DBH: variants seen among roughly 807,000 people sequenced by gnomAD.
DBH encodes the protein dopamine beta-hydroxylase (dopamine beta-monooxygenase).
DBH carries 49 observed loss-of-function variants against 64.0 expected under a neutral mutation model. That is an observed-to-expected ratio of 0.77 (90% CI 0.61 to 0.97). DBH has a LOEUF of 0.97. Among genes scored for constraint, DBH ranks in the 50% least tolerant of loss-of-function variants. The pLI is 0.00. For synonymous variants in DBH, 343 were observed against 347.1 expected, an observed-to-expected ratio of 0.99 and a Z score of 0.13; for missense variants, 828 against 826.6, an observed-to-expected ratio of 1.00 and a Z score of -0.02.
chr9:133,646,324 C>T (rs1312339647), intron 5 of DBH, among the ~76,000 whole-genome samples: 3 of 32,540 alleles, frequency 9.2e-5, no homozygotes, highest in Non-Finnish European at 2.4e-4. Flanking sequence ...CAGACCACCC[C>T]GCCATGTCCG....
At chr9:133,640,053 G>C in intron 2 of DBH, 61 bp downstream of exon 2, 2 of 1,598,172 alleles carry the variant, frequency 1.3e-6, no homozygotes, top group Non-Finnish European at 1.7e-6. Flanking sequence ...CTGCCATCCT[G>C]TGCCAATGTC....
At chr9:133,645,746 C>T (rs1832174262) in intron 5 of DBH, among the ~76,000 whole-genome samples, 1 of 152,128 alleles carries the variant, frequency 6.6e-6, no homozygotes, top group Admixed American at 6.5e-5. Flanking sequence ...CCTGGAAGTG[C>T]CCTGCACCCC....
At chr9:133,656,678 C>T (rs779558442) in intron 10 of DBH, 28 bp downstream of exon 10, 1 of 1,609,044 alleles carries the variant, frequency 6.2e-7, no homozygotes, top group East Asian at 2.2e-5. Context: ...AAGCTCCCTG[C>T]CCCCAGGGAA....
intron 2 of DBH, 30 bp downstream of exon 2, chr9:133,640,022 G>A (rs1410792788): frequency 6.2e-7 from 1 of 1,612,814 alleles, no homozygotes; most frequent in Non-Finnish European, 8.5e-7. Context: ...ACCCAGGAGG[G>A]CGTGGGCTGC....
intron 6 of DBH, among the ~76,000 whole-genome samples, chr9:133,650,525 CTTCT>C (rs758030746): frequency 8.1e-5 from 9 of 111,554 alleles, no homozygotes; most frequent in African/African-American, 1.0e-4. Flanking sequence ...TCCTTCCTTC[CTTCT>C]CTTTTCTTTC....
chr9:133,656,469 T>C, intron 9 of DBH, 54 bp from the exon 10 acceptor site: 1 of 1,612,190 alleles, frequency 6.2e-7, no homozygotes, highest in Admixed American at 1.7e-5. Flanking sequence ...AGCTGCTGGA[T>C]GGCAGCGTCT....
At chr9:133,638,815 C>G (rs545199230) in intron 1 of DBH, among the ~76,000 whole-genome samples, 2 of 152,062 alleles carry the variant, frequency 1.3e-5, no homozygotes, top group Non-Finnish European at 1.5e-5. Context: ...TTCTTGAGTA[C>G]GAAGGGCAGC....
intron 5 of DBH, among the ~76,000 whole-genome samples, chr9:133,644,943 A>G (rs548356008): frequency 1.3e-3 from 150 of 119,806 alleles, no homozygotes; most frequent in Middle Eastern, 4.1e-3. Flanking sequence ...CACGCACACA[A>G]TGCACACACA....
At chr9:133,651,485 TA>T in intron 6 of DBH, 148 bp from the exon 7 acceptor site, 1 of 1,009,286 alleles carries the variant, frequency 9.9e-7, no homozygotes, top group Non-Finnish European at 1.5e-6. Flanking sequence ...ATGGTGGCTC[TA>T]ACCTGGCCGG....
rs768096757 is a variant in DBH, at chr9:133,636,543, T to A, written c.172T>A (p.Ser58Thr). The A allele has an allele frequency of 1.2e-6, 2 of 1,613,428 alleles. No individual in the cohort carries two copies. The highest frequency in any genetic ancestry group is 1.7e-6 in the Non-Finnish European group (2 of 1,179,986). ...TCACATCCCCCTGGACCCGGAGGGG[T>A]CCCTGGAGCTCTCATGGAATGTCAG... ...PYHIPLDPEG[S>T]LELSWNVSYT... is the part of the protein sequence containing the mutation. Residue 58 changes from serine (S) to threonine (T), a missense_variant, in exon 1 of 12, where the codon TCC becomes ACC. Coordinates refer to ENST00000393056, the MANE Select transcript of DBH (RefSeq NM_000787.4).
intron 5 of DBH, among the ~76,000 whole-genome samples, chr9:133,647,275 A>G (rs1832192888): frequency 6.6e-6 from 1 of 152,208 alleles, no homozygotes; most frequent in Non-Finnish European, 1.5e-5. Context: ...CTCAACACAG[A>G]GATACACTCA....
At chr9:133,657,382 A>ACAGCCAGC (rs539930411) in intron 11 of DBH, 153 bp downstream of exon 11, 2 of 730,858 alleles carry the variant, frequency 2.7e-6, no homozygotes, top group East Asian at 7.3e-5. Flanking sequence ...ATAGGCCTAG[A>ACAGCCAGC]CAGCCAGCCA....
rs771747983 is a variant in DBH, at chr9:133,642,252, C to A, written c.532C>A (p.Arg178=). 6.8e-6 allele frequency: 11 copies of A among 1,613,850 alleles called. No individual in the cohort carries two copies. The highest frequency in any genetic ancestry group is 1.3e-5 in the African/African-American group (1 of 74,910). Residue 178 remains arginine, a synonymous_variant, in exon 3 of 12, where the codon CGG becomes AGG. Coordinates refer to ENST00000393056, the MANE Select transcript of DBH (RefSeq NM_000787.4). ...CTACGGGATCCTGGAGGAGCCGTTC[C>A]GGTCACTGGAGGCCATCAACGGCTC... The part of the protein sequence containing the change: ...LVYGILEEPF[R]SLEAINGSGL...
chr9:133,646,965 C>T (rs759466882), intron 5 of DBH, among the ~76,000 whole-genome samples: 18 of 152,166 alleles, frequency 1.2e-4, no homozygotes, highest in Admixed American at 5.9e-4. Flanking sequence ...CTCCGTGACT[C>T]GAAGAAGCAC....
At chr9:133,656,693 G>T in intron 10 of DBH, 43 bp downstream of exon 10, 1 of 1,606,726 alleles carries the variant, frequency 6.2e-7, no homozygotes, top group South Asian at 1.1e-5. Context: ...AGGGAACCCC[G>T]ACACAGAACC....
At chr9:133,637,130 C>T (rs975969444) in intron 1 of DBH, among the ~76,000 whole-genome samples, 5 of 152,192 alleles carry the variant, frequency 3.3e-5, no homozygotes, top group Admixed American at 6.5e-5. Flanking sequence ...CAGGTGGTGG[C>T]GCGTGGCTGG....
rs1311079505 is a variant in DBH at position 133,656,656 on chromosome 9, GGCTCCCTGCACAA to G, written c.1562+16_1562+28del. 1.3e-5 allele frequency: 21 copies of G among 1,611,394 alleles called. No individual in the cohort carries two copies. Among genetic ancestry groups the G allele is most frequent in the Non-Finnish European group, 1.6e-5 (19 of 1,179,960 alleles). The stretch of plus-strand genomic sequence containing the variant: ...TACTTCCACCTCATCAACAGGTGAG[GGCTCCCTGCACAA>G]GCTCCCTGCCCCCAGGGAACCCCGA... On this transcript the variant is annotated splice_region_variant and intron_variant, in intron 10 of 11. Transcript: ENST00000393056.
intron 11 of DBH, among the ~76,000 whole-genome samples, chr9:133,657,578 C>T (rs539423552): frequency 2.0e-5 from 3 of 152,242 alleles, no homozygotes; most frequent in Admixed American, 1.3e-4. Flanking sequence ...TCTCTGGTGA[C>T]ACCTCCACAC....
intron 11 of DBH, 141 bp downstream of exon 11, chr9:133,657,370 AC>A: frequency 1.0e-6 from 1 of 957,720 alleles, no homozygotes; most frequent in Non-Finnish European, 1.6e-6. Context: ...AGGTGGTGAC[AC>A]ATAGGCCTAG....
Sources: gnomAD v4.1 joint callset for allele counts (sites outside exome capture counted in the v4.1 genomes callset) on GRCh38, gnomAD v4.1.1 for gene constraint, MANE v1.5 for transcripts, NCBI Gene and HGNC (gene_info 2026-07-23, HGNC 2026-07-21) for gene names.